SEL1L3: variants seen among roughly 807,000 people sequenced by gnomAD.
SEL1L3 encodes the protein SEL1L family member 3.
Under a neutral mutation model 142.8 loss-of-function variants are expected in SEL1L3, and 76 were observed. That is an observed-to-expected ratio of 0.53 (90% confidence interval 0.44 to 0.64). SEL1L3 has a LOEUF of 0.64. Ranked by LOEUF, SEL1L3 falls within the 30% of genes least tolerant of loss-of-function variation. SEL1L3 has a pLI of 0.00. For missense variants in SEL1L3, 1,262 were observed against 1,381.7 expected, an observed-to-expected ratio of 0.91 and a Z score of 1.37; for synonymous variants, 504 against 519.6, an observed-to-expected ratio of 0.97 and a Z score of 0.41.
chr4:25,851,233 T>C (rs1357983576), intron 1 of SEL1L3, among the ~76,000 whole-genome samples: 1 of 152,226 alleles, frequency 6.6e-6, no homozygotes, highest in Admixed American at 6.5e-5. Context: ...CAACGTTTTC[T>C]AGTAGATTTA....
At chr4:25,780,966 C>T (rs578165590) in intron 15 of SEL1L3, among the ~76,000 whole-genome samples, 1 of 151,638 alleles carries the variant, frequency 6.6e-6, no homozygotes, top group Admixed American at 6.6e-5. Context: ...CCTGAGATTA[C>T]AAGCATGCAC....
chr4:25,821,268 C>A (rs754611509), intron 7 of SEL1L3, among the ~76,000 whole-genome samples: 1 of 152,166 alleles, frequency 6.6e-6, no homozygotes, highest in Non-Finnish European at 1.5e-5. Context: ...GCCTAGTGAC[C>A]CCTGTTTTTC....
At chr4:25,715,563 T>C in the SEL1L3 span, among the ~76,000 whole-genome samples, 1 of 151,956 alleles carries the variant, frequency 6.6e-6, no homozygotes, top group Admixed American at 6.6e-5. Flanking sequence ...CATTTCCATA[T>C]CTAAAAATGT....
the SEL1L3 span, among the ~76,000 whole-genome samples, chr4:25,714,476 CTTTCTTTCTTTCTCTTTCTTTCTT>C: frequency 5.5e-5 from 7 of 126,878 alleles, no homozygotes; most frequent in African/African-American, 2.6e-4. Flanking sequence ...AATAAAATTG[CTTTCTTTCTTTCTCTTTCTTTCTT>C]TTTCTTTCTT....
chr4:25,776,241 G>T, intron 17 of SEL1L3, 36 bp downstream of exon 17: 1 of 1,424,520 alleles, frequency 7.0e-7, no homozygotes, highest in Non-Finnish European at 9.8e-7. Context: ...GACAGACAGG[G>T]AAAAAAGTTT....
At chr4:25,812,905 C>T (rs2109243530) in intron 9 of SEL1L3, among the ~76,000 whole-genome samples, 2 of 152,134 alleles carry the variant, frequency 1.3e-5, no homozygotes, top group South Asian at 4.2e-4. Flanking sequence ...CCCAGCTACT[C>T]AGGAGGCTGA....
At position 25,804,559 on chromosome 4, in the gene SEL1L3, A is replaced by G; in HGVS notation, c.1758T>C (p.Val586=). Residue 586 remains valine (V), a synonymous_variant, in exon 10 of 24, where the codon GTT becomes GTC. Transcript: ENST00000399878. ...ACTCTACCTGCAGCTGATCCCGAGG[A>G]ACATTTAATCCAGTCTCATAAAAGA... ...LAVFYETGLN[V]PRDQLQGMLY... 2 of 1,611,946 alleles carry G rather than the reference A, an allele frequency of 1.2e-6. No individual in the cohort carries two copies. The highest frequency in any genetic ancestry group is 1.7e-6 in the Non-Finnish European group (2 of 1,178,728).
rs146755968 is a variant in SEL1L3 at position 25,756,236 on chromosome 4, C to T, written c.3259+1298G>A. 3.0e-3 allele frequency: 2,987 copies of T among 985,280 alleles called. 13 individuals are homozygous for T. The Admixed American group carries it at 0.032, about 10-fold the overall frequency. The allele number at this position is 985,280 out of a possible 1,614,324, so 61.0% of individuals were successfully genotyped here. ...ATGAGTTATTATACCCTTTTGTAGC[C>T]GTCCGAGATGGTAAAAAATCAGTTT... On this transcript the variant is annotated intron_variant, in intron 23 of 23. Coordinates refer to ENST00000399878, the MANE Select transcript of SEL1L3 (RefSeq NM_015187.5).
At chr4:25,764,870 T>C (rs996753856) in intron 20 of SEL1L3, among the ~76,000 whole-genome samples, 2 of 152,162 alleles carry the variant, frequency 1.3e-5, no homozygotes, top group African/African-American at 4.8e-5. Context: ...AGTGTCCTCA[T>C]AGAGTTGTTT....
chr4:25,784,289 C>A lies in SEL1L3; in HGVS notation c.2219G>T (p.Gly740Val). Residue 740 changes from glycine (G) to valine (V), a missense_variant and splice_region_variant, in exon 14 of 24, where the codon GGT becomes GTT. By Grantham distance (109) the Gly-to-Val change is moderately radical. This residue lies in a region of SEL1L3 where 435 missense variants were observed against 559.2 expected (regional missense o/e 0.78). Coordinates refer to ENST00000399878, the MANE Select transcript of SEL1L3 (RefSeq NM_015187.5). ...CCGTCTGTTCTTTTTTACTCCTTGA[C>A]CCTAAACATTGATAAACAGCGATGA... is the stretch of plus-strand genomic sequence containing the variant. Reference protein sequence around the residue: ...IYDYAIVLFKGQGVKKNRRLA... With the variant: ...IYDYAIVLFKVQGVKKNRRLA... 1 of 1,612,988 alleles carries A rather than the reference C, an allele frequency of 6.2e-7. No homozygotes were observed. The highest frequency in any genetic ancestry group is 8.5e-7 in the Non-Finnish European group (1 of 1,179,052).
At chr4:25,723,381 A>T in the SEL1L3 span, among the ~76,000 whole-genome samples, 1 of 152,192 alleles carries the variant, frequency 6.6e-6, no homozygotes, top group Non-Finnish European at 1.5e-5. Flanking sequence ...TCCAGCTTAG[A>T]TGAGCTAAAT....
chr4:25,778,006 C>T (rs1015008690), intron 16 of SEL1L3: 25 of 352,768 alleles, frequency 7.1e-5, no homozygotes, highest in Non-Finnish European at 1.0e-4. Context: ...GCATTCTTAG[C>T]TCTTGGAGCC....
intron 17 of SEL1L3, among the ~76,000 whole-genome samples, chr4:25,770,092 C>T (rs1458123551): frequency 2.0e-5 from 3 of 152,006 alleles, no homozygotes; most frequent in African/African-American, 7.2e-5. Context: ...TGTGCAACTG[C>T]ACTGCAGCCT....
At chr4:25,735,530 C>T in the SEL1L3 span, among the ~76,000 whole-genome samples, 1 of 151,236 alleles carries the variant, frequency 6.6e-6, no homozygotes, top group Non-Finnish European at 1.5e-5. Context: ...TCACCAATTT[C>T]TTCTCTTTTC....
At chr4:25,728,124 G>A in the SEL1L3 span, among the ~76,000 whole-genome samples, 1 of 152,146 alleles carries the variant, frequency 6.6e-6, no homozygotes, top group Admixed American at 6.6e-5. Context: ...ACCACAATGA[G>A]AATGACCATT....
intron 11 of SEL1L3, among the ~76,000 whole-genome samples, chr4:25,791,097 C>A (rs931231990): frequency 6.6e-6 from 1 of 152,222 alleles, no homozygotes; most frequent in Non-Finnish European, 1.5e-5. Flanking sequence ...CTTCGTGCAA[C>A]TGATTTCAGA....
chr4:25,858,609 CAG>C (rs1577708071), intron 1 of SEL1L3, among the ~76,000 whole-genome samples: 1 of 151,822 alleles, frequency 6.6e-6, no homozygotes, highest in East Asian at 1.9e-4. Flanking sequence ...TGTTTTGAGA[CAG>C]AGTCTCACTC....
At chr4:25,808,751 C>T (rs1385564894) in intron 9 of SEL1L3, among the ~76,000 whole-genome samples, 2 of 124,134 alleles carry the variant, frequency 1.6e-5, no homozygotes, top group African/African-American at 5.9e-5. Context: ...GGGCTCACAG[C>T]CTGCTTTCTT....
At chr4:25,830,699 A>G (rs1715378165) in intron 5 of SEL1L3, among the ~76,000 whole-genome samples, 1 of 152,138 alleles carries the variant, frequency 6.6e-6, no homozygotes, top group Non-Finnish European at 1.5e-5. Flanking sequence ...GGACTCCAAC[A>G]TAATAAGCCT....
Sources: gnomAD v4.1 joint callset for allele counts (sites outside exome capture counted in the v4.1 genomes callset) on GRCh38, gnomAD v4.1.1 for gene constraint, gnomAD v4.1.1 regional missense constraint, MANE v1.5 for transcripts, NCBI Gene and HGNC (gene_info 2026-07-23, HGNC 2026-07-21) for gene names.